The following SNX2 variants were observed in gnomAD, a reference collection of about 807,000 sequenced individuals.
SNX2 encodes sorting nexin 2.
SNX2 carries 25 observed loss-of-function variants against 69.9 expected under a neutral mutation model. The observed-to-expected ratio is 0.36, with a 90% CI of 0.26 to 0.50. SNX2 has a LOEUF of 0.50. Among genes scored for constraint, SNX2 ranks in the 20% least tolerant of loss-of-function variants. SNX2 has a pLI of 0.97. For synonymous variants in SNX2, 229 were observed against 200.4 expected, an observed-to-expected ratio of 1.14 and a Z score of -1.20; for missense variants, 551 against 613.3, an observed-to-expected ratio of 0.90 and a Z score of 1.07.
In SNX2 at chr5:122,833,242, A is replaced by C. The variant is rs79697451; in HGVS notation, c.*3594A>C. 2.0e-5 allele frequency: 3 copies of C among 152,192 alleles called. No individual in the cohort carries two copies. Among genetic ancestry groups the C allele is most frequent in the Non-Finnish European group, 4.4e-5 (3 of 68,016 alleles). The allele number at this position is 152,192 out of a possible 1,614,324, so 9.4% of individuals were successfully genotyped here. Reference sequence around the variant, plus strand: ...TGGGTCAGACATGGAAATAGCAATAAAAGGGAATTACAACAAGATAAATGT... The same window carrying C: ...TGGGTCAGACATGGAAATAGCAATACAAGGGAATTACAACAAGATAAATGT... On this transcript the variant is annotated 3_prime_UTR_variant, in exon 15 of 15. Coordinates refer to ENST00000379516, the MANE Select transcript of SNX2 (RefSeq NM_003100.4).
At chr5:122,791,026 C>T (rs1012128579) in intron 1 of SNX2, among the ~76,000 whole-genome samples, 5 of 151,810 alleles carry the variant, frequency 3.3e-5, no homozygotes, top group East Asian at 1.9e-4. Flanking sequence ...TCAAGATATC[C>T]TCTATTACTA....
intron 7 of SNX2, among the ~76,000 whole-genome samples, chr5:122,811,433 A>T (rs1009702202): frequency 2.0e-5 from 3 of 152,336 alleles, no homozygotes; most frequent in South Asian, 4.1e-4. Flanking sequence ...GAGCATAATA[A>T]TAAGTGTATA....
rs1754345979 is a variant in SNX2 at position 122,833,710 on chromosome 5, T to A, written c.*4062T>A. On this transcript the variant is annotated 3_prime_UTR_variant, in exon 15 of 15. Transcript: ENST00000379516. ...TTTATTTCATTGTTGGTACTCTTTT[T>A]TATTACCCAGATACAATAAAGTTTT... 6.6e-6 allele frequency: 1 copy of A among 152,224 alleles called. No individual in the cohort carries two copies. The highest frequency in any genetic ancestry group is 1.5e-5 in the Non-Finnish European group (1 of 68,042). The allele number at this position is 152,224 out of a possible 1,614,324, so 9.4% of individuals were successfully genotyped here.
At chr5:122,827,353 A>T (rs547076459) in intron 12 of SNX2, 26 bp from the exon 13 acceptor site, 1 of 1,591,592 alleles carries the variant, frequency 6.3e-7, no homozygotes, top group South Asian at 1.1e-5. Flanking sequence ...TGAGATAAGC[A>T]TAAAATATTT....
chr5:122,821,564 C>T (rs1754025308), intron 11 of SNX2, among the ~76,000 whole-genome samples: 1 of 151,798 alleles, frequency 6.6e-6, no homozygotes, highest in Admixed American at 6.6e-5. Flanking sequence ...ATGCCATTCT[C>T]CTGCCTCAGC....
intron 1 of SNX2, among the ~76,000 whole-genome samples, chr5:122,778,723 G>A (rs1021924064): frequency 3.3e-5 from 5 of 152,042 alleles, no homozygotes; most frequent in African/African-American, 1.2e-4. Flanking sequence ...ATATCTTATT[G>A]TGGTTTTGAT....
chr5:122,815,028 C>T (rs1373744700), intron 7 of SNX2, among the ~76,000 whole-genome samples: 3 of 152,136 alleles, frequency 2.0e-5, no homozygotes, highest in Non-Finnish European at 2.9e-5. Flanking sequence ...GGATTACAGG[C>T]GTGAGCCACC....
chr5:122,776,002 T>G (rs1752849054), intron 1 of SNX2, among the ~76,000 whole-genome samples: 1 of 152,162 alleles, frequency 6.6e-6, no homozygotes, highest in Non-Finnish European at 1.5e-5. Flanking sequence ...GGAAGCACCC[T>G]CTATAAACTT....
intron 14 of SNX2, chr5:122,828,015 C>T (rs1282718351): frequency 6.3e-6 from 1 of 159,486 alleles, no homozygotes; most frequent in Admixed American, 6.7e-5. Flanking sequence ...TTAAGCTAAA[C>T]ACTTTTTCAG....
chr5:122,806,142 G>GCGCACGCACACACACACACACACACA, intron 6 of SNX2, among the ~76,000 whole-genome samples: 1,368 of 130,528 alleles, frequency 0.01, 18 homozygotes, highest in Middle Eastern at 0.038. Flanking sequence ...ACACGCGCGC[G>GCGCACGCACACACACACACACACACA]CACACACACA....
At chr5:122,793,297 G>A (rs1398496744) in intron 1 of SNX2, among the ~76,000 whole-genome samples, 1 of 151,988 alleles carries the variant, frequency 6.6e-6, no homozygotes, top group East Asian at 1.9e-4. Flanking sequence ...GATAATGAGT[G>A]GTCTACTACT....
chr5:122,811,404 A>G (rs1753772908), intron 7 of SNX2, among the ~76,000 whole-genome samples: 1 of 152,210 alleles, frequency 6.6e-6, no homozygotes, highest in African/African-American at 2.4e-5. Context: ...ACATCTGCAA[A>G]TACAAAATGA....
intron 1 of SNX2, among the ~76,000 whole-genome samples, chr5:122,794,074 G>A (rs1224890811): frequency 6.6e-6 from 1 of 152,054 alleles, no homozygotes; most frequent in Non-Finnish European, 1.5e-5. Flanking sequence ...ACTTTGGGAG[G>A]CTGAGGCGGG....
chr5:122,806,975 C>G (rs185202330), intron 6 of SNX2, among the ~76,000 whole-genome samples: 3 of 152,186 alleles, frequency 2.0e-5, no homozygotes, highest in Admixed American at 6.5e-5. Flanking sequence ...AATTTACATA[C>G]CATATAATTC....
chr5:122,814,996 G>A lies in SNX2; in HGVS notation c.723-900G>A, dbSNP rs570564077. On this transcript the variant is annotated intron_variant, in intron 7 of 14. Transcript: ENST00000379516. ...GAACTCCTGACCTCGTGATCCACCCGCCTCGGCCTCCCAAAGTGCTGGGAT... is the reference window on the plus strand; with the variant it reads ...GAACTCCTGACCTCGTGATCCACCCACCTCGGCCTCCCAAAGTGCTGGGAT... Among the ~76,000 whole-genome samples the A allele has an allele frequency of 9.2e-5, 14 of 152,126 alleles. No homozygotes were observed. In the East Asian group the frequency reaches 1.2e-3, roughly 13 times the overall value.
intron 1 of SNX2, among the ~76,000 whole-genome samples, chr5:122,793,789 T>C (rs556541701): frequency 6.6e-6 from 1 of 151,420 alleles, no homozygotes; most frequent in African/African-American, 2.4e-5. Context: ...GGCAGACACC[T>C]GTAATCCCAG....
chr5:122,819,175 TC>T, intron 11 of SNX2, 152 bp downstream of exon 11: 1 of 615,196 alleles, frequency 1.6e-6, no homozygotes. Flanking sequence ...AATACTTTCT[TC>T]CCTATGACTT....
In SNX2 at chr5:122,827,658, T is replaced by G. The variant is rs758066685; in HGVS notation, c.1509+12T>G. On this transcript the variant is annotated intron_variant, in intron 14 of 14. Transcript: ENST00000379516. ...AAACACAACAACAGGTAAGCCATTT[T>G]TGTTTATAACTTAAACTTCTAGAAT... is the stretch of plus-strand genomic sequence containing the variant. The G allele has an allele frequency of 1.3e-6, 2 of 1,592,678 alleles. No homozygotes were observed. Among genetic ancestry groups the G allele is most frequent in the Non-Finnish European group, 1.7e-6 (2 of 1,163,672 alleles).
intron 2 of SNX2, among the ~76,000 whole-genome samples, chr5:122,798,140 C>T (rs1010629663): frequency 2.6e-5 from 4 of 151,444 alleles, no homozygotes; most frequent in African/African-American, 7.3e-5. Context: ...AAATATCTCA[C>T]ACTTGTAGCT....
Sources: gnomAD v4.1 joint callset for allele counts (sites outside exome capture counted in the v4.1 genomes callset) on GRCh38, gnomAD v4.1.1 for gene constraint, MANE v1.5 for transcripts, NCBI Gene and HGNC (gene_info 2026-07-23, HGNC 2026-07-21) for gene names.